Variants in EEPD1 observed in about 807,000 individuals in gnomAD.
EEPD1 encodes endonuclease/exonuclease/phosphatase family domain-containing protein 1.
EEPD1 carries 17 observed loss-of-function variants against 46.3 expected under a neutral mutation model. That is an observed-to-expected ratio of 0.37 (90% CI 0.25 to 0.55). The LOEUF (loss-of-function observed/expected upper bound fraction) is 0.55, where lower values mean the gene tolerates loss of function less well. Among genes scored for constraint, EEPD1 ranks in the 20% least tolerant of loss-of-function variants. EEPD1 has a pLI of 0.83. For missense variants in EEPD1, 673 were observed against 745.6 expected (o/e 0.90, Z 1.13); for synonymous variants, 313 against 315.6 (o/e 0.99, Z 0.09).
At chr7:36,173,264 G>A (rs1005364755) in intron 2 of EEPD1, among the ~76,000 whole-genome samples, 11 of 149,452 alleles carry the variant, frequency 7.4e-5, no homozygotes, top group South Asian at 6.4e-4. Context: ...CAAGGGGGGC[G>A]GATCACGAGG....
At chr7:36,179,286 G>T (rs1004907616) in intron 2 of EEPD1, among the ~76,000 whole-genome samples, 1 of 152,160 alleles carries the variant, frequency 6.6e-6, no homozygotes, top group African/African-American at 2.4e-5. Flanking sequence ...CATCTTTAAA[G>T]ATTTCTAGTT....
rs572952080 is a variant in EEPD1 at position 36,155,066 on chromosome 7, G to C, written c.742G>C (p.Val248Leu). 1.9e-6 allele frequency: 3 copies of C among 1,593,752 alleles called. No homozygotes were observed. The highest frequency in any genetic ancestry group is 1.7e-4 in the Middle Eastern group (1 of 5,972). ...PTQIISTRPSVEAFGGTRDGR... is the reference protein window; with the variant it reads ...PTQIISTRPSLEAFGGTRDGR... Reference sequence around the variant, plus strand: ...CCAGATTATCTCCACTCGGCCGTCCGTGGAGGCCTTTGGAGGCACAAGGGA... The same window carrying C: ...CCAGATTATCTCCACTCGGCCGTCCCTGGAGGCCTTTGGAGGCACAAGGGA... Residue 248 changes from valine to leucine, a missense_variant, in exon 2 of 8, where the codon GTG becomes CTG. Coordinates refer to ENST00000242108, the MANE Select transcript of EEPD1 (RefSeq NM_030636.3).
intron 2 of EEPD1, among the ~76,000 whole-genome samples, chr7:36,198,347 A>G (rs28655797): frequency 7.4e-6 from 1 of 134,816 alleles, no homozygotes; most frequent in Non-Finnish European, 1.6e-5. Flanking sequence ...GAAAAGAAAA[A>G]AAAAAAAAAA....
At chr7:36,226,204 A>G (rs1324380723) in intron 2 of EEPD1, among the ~76,000 whole-genome samples, 2 of 152,224 alleles carry the variant, frequency 1.3e-5, no homozygotes, top group East Asian at 1.9e-4. Flanking sequence ...CTTGTCCGAA[A>G]TGGGATGGTA....
At position 36,166,129 on chromosome 7, in the gene EEPD1, A is replaced by G. The variant is rs76190317; in HGVS notation, c.878+10927A>G. Among the ~76,000 whole-genome samples the G allele has an allele frequency of 8.7e-3, 1,328 of 152,350 alleles. 16 individuals are homozygous for G. The highest frequency in any genetic ancestry group is 0.03 in the African/African-American group (1,252 of 41,572). On this transcript the variant is annotated intron_variant, in intron 2 of 7. Transcript: ENST00000242108. ...AAGTCTGATTCTTAAAATATTAAAT[A>G]CATGTCCACACAAGTGAAACTGCAC... is the stretch of plus-strand genomic sequence containing the variant.
At chr7:36,200,551 A>G (rs1057412490) in intron 2 of EEPD1, among the ~76,000 whole-genome samples, 2 of 152,248 alleles carry the variant, frequency 1.3e-5, no homozygotes, top group Non-Finnish European at 2.9e-5. Context: ...TCTAAAAAGA[A>G]GAACTTACTT....
rs866579069 is a variant in EEPD1 at position 36,154,251 on chromosome 7, A to C, written c.-74A>C. The C allele has an allele frequency of 3.3e-6, 5 of 1,501,490 alleles. No individual in the cohort carries two copies. Among genetic ancestry groups the C allele is most frequent in the South Asian group, 1.3e-5 (1 of 77,914 alleles). The allele number at this position is 1,501,490 out of a possible 1,614,324, so 93.0% of individuals were successfully genotyped here. ...CCGTTTTTCTGTGCTTGTACGGCCT[A>C]CTGGGCTTCCTCCCTAGCCAGAGAG... On this transcript the variant is annotated 5_prime_UTR_variant, in exon 2 of 8. Coordinates refer to ENST00000242108, the MANE Select transcript of EEPD1 (RefSeq NM_030636.3). The surrounding 1 kb of genome is among the most constrained non-coding windows in gnomAD (Gnocchi z 4.2).
rs1562666757 is a variant in EEPD1 at position 36,155,029 on chromosome 7, A to G, written c.705A>G (p.Pro235=). Residue 235 remains proline, a synonymous_variant, in exon 2 of 8, where the codon CCA becomes CCG. Transcript: ENST00000242108. ...AGAGTGAGGACCTGGACCTGCCGCC[A>G]GGGGGGCCCACCCAGATTATCTCCA... is the stretch of plus-strand genomic sequence containing the variant. ...SLQSEDLDLP[P]GGPTQIISTR... 1 of 1,604,574 alleles carries G rather than the reference A, an allele frequency of 6.2e-7. No individual in the cohort carries two copies. Among genetic ancestry groups the G allele is most frequent in the South Asian group, 1.1e-5 (1 of 90,268 alleles).
chr7:36,256,171 T>C (rs1157123229), intron 3 of EEPD1, among the ~76,000 whole-genome samples: 1 of 152,348 alleles, frequency 6.6e-6, no homozygotes, highest in East Asian at 1.9e-4. Context: ...CTAATTTGAT[T>C]GCACTGTGTG....
intron 2 of EEPD1, among the ~76,000 whole-genome samples, chr7:36,201,863 C>CCTGCATCCTGCCTCAT (rs1389745556): frequency 6.6e-6 from 1 of 152,142 alleles, no homozygotes; most frequent in Admixed American, 6.5e-5. Flanking sequence ...AAAATTGAGC[C>CCTGCATCCTGCCTCAT]CTGCATCCTG....
At chr7:36,285,014 GA>G (rs1787321754) in intron 5 of EEPD1, among the ~76,000 whole-genome samples, 194 bp downstream of exon 5, 1 of 152,202 alleles carries the variant, frequency 6.6e-6, no homozygotes, top group Non-Finnish European at 1.5e-5. Context: ...GAATGAAAGG[GA>G]TTTTGAGACA....
chr7:36,262,644 T>C (rs1356691028), intron 3 of EEPD1, among the ~76,000 whole-genome samples: 1 of 152,114 alleles, frequency 6.6e-6, no homozygotes, highest in Non-Finnish European at 1.5e-5. Context: ...GAGGGGAGCA[T>C]GTACAGTGTG....
chr7:36,256,102 C>T (rs974450616), intron 3 of EEPD1, among the ~76,000 whole-genome samples: 2 of 152,144 alleles, frequency 1.3e-5, no homozygotes. Flanking sequence ...TATTCAGGAG[C>T]AGGTTGTTCA....
At chr7:36,278,335 G>A (rs552134661) in intron 3 of EEPD1, among the ~76,000 whole-genome samples, 6 of 152,292 alleles carry the variant, frequency 3.9e-5, no homozygotes, top group African/African-American at 1.4e-4. Context: ...TTGTCCTCAG[G>A]TATCTGAAGG....
Position 36,203,334 on chromosome 7 carries a change from C to CG in EEPD1, c.879-35650dup, listed in dbSNP as rs374850966. On this transcript the variant is annotated intron_variant, in intron 2 of 7. Coordinates refer to ENST00000242108, the MANE Select transcript of EEPD1 (RefSeq NM_030636.3). The stretch of plus-strand genomic sequence containing the variant: ...GCAGGTCACACCCACACCATGCAGT[C>CG]GCCATTCCTGTTTTGTGTTCATTTT... Among the ~76,000 whole-genome samples, 1,093 of 152,298 alleles carry CG rather than the reference C, an allele frequency of 7.2e-3. 7 individuals carry two copies. The highest frequency in any genetic ancestry group is 0.025 in the African/African-American group (1,052 of 41,550).
intron 2 of EEPD1, among the ~76,000 whole-genome samples, chr7:36,166,256 A>G (rs969232787): frequency 6.6e-6 from 1 of 152,242 alleles, no homozygotes; most frequent in Non-Finnish European, 1.5e-5. Flanking sequence ...GTTAGTTTGG[A>G]TGTCTCCTGA....
intron 3 of EEPD1, among the ~76,000 whole-genome samples, chr7:36,262,091 C>G (rs535989780): frequency 6.6e-6 from 1 of 152,320 alleles, no homozygotes; most frequent in Non-Finnish European, 1.5e-5. Context: ...GGTTTCCCCC[C>G]ACCCACAAAC....
intron 2 of EEPD1, among the ~76,000 whole-genome samples, chr7:36,179,697 TAAAA>T (rs56263813): frequency 2.1e-4 from 18 of 85,444 alleles, no homozygotes; most frequent in African/African-American, 5.6e-4. Context: ...CTGTCTCTAC[TAAAA>T]AAAAAAAAAA....
At chr7:36,222,732 T>C (rs1311967284) in intron 2 of EEPD1, among the ~76,000 whole-genome samples, 1 of 152,202 alleles carries the variant, frequency 6.6e-6, no homozygotes, top group Non-Finnish European at 1.5e-5. Flanking sequence ...ATAGATGGCA[T>C]CTTCTAGCGG....
Sources: allele counts gnomAD v4.1 joint callset (sites outside exome capture counted in the v4.1 genomes callset), GRCh38; gene constraint gnomAD v4.1.1; non-coding constraint Gnocchi (gnomAD v3.1); transcripts MANE v1.5; gene names NCBI Gene and HGNC (gene_info 2026-07-23, HGNC 2026-07-21).